Variants in SCG3 observed in about 807,000 individuals in gnomAD.
SCG3 encodes the protein secretogranin-3.
In SCG3, 38 loss-of-function variants were observed where a neutral mutation model predicts 56.2. The observed-to-expected ratio is 0.68, with a 90% CI of 0.52 to 0.89. SCG3 has a LOEUF of 0.89. Among genes scored for constraint, SCG3 ranks in the 40% least tolerant of loss-of-function variants. The pLI is 0.00. For missense variants in SCG3, 524 were observed against 540.7 expected, an observed-to-expected ratio of 0.97 and a Z score of 0.31; for synonymous variants, 176 against 184.2, an observed-to-expected ratio of 0.96 and a Z score of 0.36.
In SCG3 at chr15:51,683,134, A is replaced by T. The variant is rs755265537; in HGVS notation, c.181+10A>T. On this transcript the variant is annotated intron_variant, in intron 3 of 11. Transcript: ENST00000220478. The stretch of plus-strand genomic sequence containing the variant: ...AAAACATATCCTCCAGGTAAAAAGA[A>T]ATCATATTGATGTTAATTTAAATAA... 1.9e-6 allele frequency: 3 copies of T among 1,606,614 alleles called. No individual in the cohort carries two copies. Among genetic ancestry groups the T allele is most frequent in the Non-Finnish European group, 2.6e-6 (3 of 1,175,644 alleles).
At chr15:51,701,776 C>G (rs2141571644) in intron 10 of SCG3, among the ~76,000 whole-genome samples, 1 of 152,200 alleles carries the variant, frequency 6.6e-6, no homozygotes, top group African/African-American at 2.4e-5. Context: ...CATGGTGGCA[C>G]ATGCCTATAG....
intron 10 of SCG3, chr15:51,708,224 C>T (rs1158686746): frequency 6.6e-6 from 1 of 152,186 alleles, no homozygotes; most frequent in South Asian, 2.1e-4. Flanking sequence ...AGTCGACTCT[C>T]ATAAGGCTTT....
chr15:51,692,095 T>A (rs184471697), intron 6 of SCG3, 64 bp from the exon 7 acceptor site: 696 of 1,461,698 alleles, frequency 4.8e-4, no homozygotes, highest in Non-Finnish European at 6.0e-4. Context: ...AAGGAAGGAA[T>A]CAAGCTGGAG....
intron 8 of SCG3, among the ~76,000 whole-genome samples, chr15:51,696,764 C>T (rs1055929403): frequency 1.8e-4 from 27 of 152,030 alleles, no homozygotes; most frequent in Non-Finnish European, 1.9e-4. Flanking sequence ...AATCAGATCT[C>T]GTGAGAATTC....
chr15:51,687,411 G>C (rs2055236092), intron 4 of SCG3, among the ~76,000 whole-genome samples: 1 of 152,152 alleles, frequency 6.6e-6, no homozygotes, highest in Non-Finnish European at 1.5e-5. Context: ...ACTAATAATT[G>C]ATTCCTGGAA....
rs1047355680 is a variant in SCG3 at position 51,717,384 on chromosome 15, T to A, written c.1289-2024T>A. ...CTCCGTCTCAAAAAAAAAAAAAAAA[T>A]TAGCCAGGTGTGGTGGTGTGCGCTT... On this transcript the variant is annotated intron_variant, in intron 11 of 11. Coordinates refer to ENST00000220478, the MANE Select transcript of SCG3 (RefSeq NM_013243.4). Among the ~76,000 whole-genome samples the A allele has an allele frequency of 2.0e-3, 284 of 143,958 alleles. 1 individual carries two copies. The highest frequency in any genetic ancestry group is 6.9e-3 in the African/African-American group (265 of 38,452). The allele number at this position is 143,958 out of a possible 152,430, so 94.4% of individuals were successfully genotyped here.
chr15:51,715,944 G>A (rs539228410), intron 11 of SCG3, among the ~76,000 whole-genome samples: 31 of 151,718 alleles, frequency 2.0e-4, no homozygotes, highest in Middle Eastern at 3.4e-3. Context: ...TGCGAGCTCC[G>A]CCTCCAGGGT....
chr15:51,684,137 T>C (rs924244406), intron 4 of SCG3, among the ~76,000 whole-genome samples: 1 of 152,216 alleles, frequency 6.6e-6, no homozygotes, highest in African/African-American at 2.4e-5. Flanking sequence ...AAACTATTTA[T>C]CTTTTCCCTC....
intron 10 of SCG3, among the ~76,000 whole-genome samples, chr15:51,709,541 T>C (rs377483340): frequency 1.3e-5 from 2 of 150,658 alleles, no homozygotes; most frequent in African/African-American, 4.9e-5. Context: ...GTGTTTTAAA[T>C]TGTTTCTGAA....
At chr15:51,692,365 G>A (rs748726589) in intron 7 of SCG3, 29 bp downstream of exon 7, 20 of 1,583,654 alleles carry the variant, frequency 1.3e-5, no homozygotes, top group East Asian at 4.5e-5. Context: ...TGATTATGTG[G>A]AACAGAAAGA....
intron 8 of SCG3, 75 bp downstream of exon 8, chr15:51,696,066 G>T (rs2055301652): frequency 1.2e-6 from 1 of 822,942 alleles, no homozygotes; most frequent in East Asian, 2.5e-5. Flanking sequence ...TGGCAATAAT[G>T]ACCTCATTAA....
At chr15:51,719,217 T>A (rs544228692) in intron 11 of SCG3, among the ~76,000 whole-genome samples, 191 bp from the exon 12 acceptor site, 1 of 152,352 alleles carries the variant, frequency 6.6e-6, no homozygotes, top group East Asian at 1.9e-4. Context: ...ACAGATGAGA[T>A]AATACATGTA....
intron 5 of SCG3, 22 bp from the exon 6 acceptor site, chr15:51,689,197 A>G: frequency 6.2e-7 from 1 of 1,610,924 alleles, no homozygotes; most frequent in Non-Finnish European, 8.5e-7. Context: ...GCAGTTATAT[A>G]TGTTTTGCCT....
rs370924607 is a variant in SCG3 at position 51,701,259 on chromosome 15, G to C, written c.1207+15G>C. 8.4e-6 allele frequency: 13 copies of C among 1,552,276 alleles called. No homozygotes were observed. On this transcript the variant is annotated intron_variant, in intron 10 of 11. Transcript: ENST00000220478. ...TGAACCCAAAGGTATGGGATTGACA[G>C]CTCTAGGTTAGCAATGAAATTGGGA...
chr15:51,687,273 C>A (rs961931922), intron 4 of SCG3, among the ~76,000 whole-genome samples: 2 of 152,126 alleles, frequency 1.3e-5, no homozygotes, highest in African/African-American at 4.8e-5. Context: ...TACAGTGATC[C>A]AAGGATATAG....
intron 7 of SCG3, among the ~76,000 whole-genome samples, chr15:51,695,179 T>C (rs187948659): frequency 3.3e-5 from 5 of 152,372 alleles, no homozygotes; most frequent in Admixed American, 2.6e-4. Flanking sequence ...CATATATTCT[T>C]TCAAATGAAA....
At chr15:51,695,171 T>A (rs2055294803) in intron 7 of SCG3, among the ~76,000 whole-genome samples, 1 of 152,238 alleles carries the variant, frequency 6.6e-6, no homozygotes, top group South Asian at 2.1e-4. Context: ...ACCATATGCA[T>A]ATATTCTTTC....
Position 51,688,550 on chromosome 15 carries a change from A to G in SCG3, c.540+148A>G. ...AGGTTTTAAGGACAAGCAAAGCACCATTCTTTTTTTTCTAGGAGTTTATCA... is the reference window on the plus strand; with the variant it reads ...AGGTTTTAAGGACAAGCAAAGCACCGTTCTTTTTTTTCTAGGAGTTTATCA... On this transcript the variant is annotated intron_variant, in intron 5 of 11. Coordinates refer to ENST00000220478, the MANE Select transcript of SCG3 (RefSeq NM_013243.4). 4.6e-6 allele frequency: 3 copies of G among 648,176 alleles called. No homozygotes were observed. The South Asian group carries it at 8.1e-5, about 18-fold the overall frequency. 40.2% of individuals were successfully genotyped at this position (648,176 alleles called of 1,614,324 possible). A position where few individuals can be genotyped will look rare whatever the true frequency, so the allele number is the denominator to read the frequency against.
At chr15:51,692,085 A>G (rs1402077165) in intron 6 of SCG3, 74 bp from the exon 7 acceptor site, 2 of 1,417,290 alleles carry the variant, frequency 1.4e-6, no homozygotes, top group African/African-American at 2.9e-5. Flanking sequence ...GGGCATCACA[A>G]AGGAAGGAAT....
Sources: allele counts gnomAD v4.1 joint callset (sites outside exome capture counted in the v4.1 genomes callset), GRCh38; gene constraint gnomAD v4.1.1; transcripts MANE v1.5; gene names NCBI Gene and HGNC (gene_info 2026-07-23, HGNC 2026-07-21).